UNC45A: variants seen among roughly 807,000 people sequenced by gnomAD.
UNC45A encodes the protein unc-45 myosin chaperone A.
Under a neutral mutation model 103.2 loss-of-function variants are expected in UNC45A, and 78 were observed. That is an observed-to-expected ratio of 0.76 (90% CI 0.63 to 0.91). The LOEUF is 0.91. Among genes scored for constraint, UNC45A ranks in the 40% least tolerant of loss-of-function variants. UNC45A has a pLI of 0.00. For missense variants in UNC45A, 1,193 were observed against 1,224.8 expected (o/e 0.97, Z 0.39); for synonymous variants, 495 against 504.6 (o/e 0.98, Z 0.25).
chr15:90,941,683 G>A (rs949638627), intron 6 of UNC45A, among the ~76,000 whole-genome samples: 15 of 151,976 alleles, frequency 9.9e-5, no homozygotes, highest in Admixed American at 5.2e-4. Context: ...GAGAGGGCCC[G>A]GCGCGGTGGC....
intron 3 of UNC45A, 140 bp from the exon 4 acceptor site, chr15:90,936,145 A>G: frequency 2.7e-6 from 4 of 1,494,770 alleles, no homozygotes; most frequent in Non-Finnish European, 3.6e-6. Context: ...AGCTACCCTC[A>G]CCTTTTCTGA....
Position 90,952,759 on chromosome 15 carries a change from C to T in UNC45A, c.2304-170C>T, listed in dbSNP as rs571512590. 58 of 626,148 alleles carry T rather than the reference C, an allele frequency of 9.3e-5. 1 individual carries two copies. Among genetic ancestry groups the T allele is most frequent in the Admixed American group, 6.6e-4 (24 of 36,204 alleles). The allele number at this position is 626,148 out of a possible 1,614,324, so 38.8% of individuals were successfully genotyped here. ...CGCACTTTTAAATAACCAGATCTCA[C>T]GAGAACTTACTATCACGAGGATAGC... is the stretch of plus-strand genomic sequence containing the variant. On this transcript the variant is annotated intron_variant, in intron 17 of 19. Coordinates refer to ENST00000418476, the MANE Select transcript of UNC45A (RefSeq NM_018671.5).
upstream of UNC45A, chr15:90,932,393 G>A (rs2035832580): frequency 8.0e-6 from 10 of 1,254,874 alleles, no homozygotes; most frequent in East Asian, 2.5e-4. Flanking sequence ...CACCACCCAG[G>A]TGCCGCAGCC....
At position 90,946,641 on chromosome 15, in the gene UNC45A, C is replaced by T. The variant is rs200344405; in HGVS notation, c.1227C>T (p.Ala409=). 8.6e-5 allele frequency: 139 copies of T among 1,609,562 alleles called. No individual in the cohort carries two copies. In the East Asian group the frequency reaches 1.0e-3, roughly 12 times the overall value. The change falls in exon 10 of 20, where the codon GCC becomes GCT. Residue 409 remains alanine (A), a synonymous_variant. Transcript: ENST00000418476. The part of the protein sequence containing the change: ...IKSWFEGQGL[A]GKLRAIQTVS... ...GCTGGTTTGAGGGCCAAGGGCTGGC[C>T]GGGAAGCTACGGGCCATCCAGACGG...
At chr15:90,940,739 C>T (rs891330568) in intron 6 of UNC45A, 18 of 226,568 alleles carry the variant, frequency 7.9e-5, no homozygotes, top group African/African-American at 3.7e-4. Context: ...AAGGCGAAAC[C>T]CTGTCTCTAC....
intron 11 of UNC45A, 59 bp downstream of exon 11, chr15:90,947,949 G>GA (rs1297517736): frequency 8.2e-5 from 125 of 1,520,696 alleles, no homozygotes; most frequent in Non-Finnish European, 1.1e-4. Context: ...AAGACACAGG[G>GA]GTCTGGGTGG....
At chr15:90,945,288 C>T (rs1052820462) in intron 9 of UNC45A, among the ~76,000 whole-genome samples, 6 of 152,310 alleles carry the variant, frequency 3.9e-5, no homozygotes, top group East Asian at 1.9e-4. Context: ...ATGCAACAAA[C>T]GCCATCAAGC....
At chr15:90,932,069 T>C (rs756539452), upstream of UNC45A, 21 of 1,611,774 alleles carry the variant, frequency 1.3e-5, no homozygotes, top group Non-Finnish European at 1.7e-5. Context: ...AACACCACAA[T>C]GTCAGTGATT....
upstream of UNC45A, chr15:90,931,840 ATC>A: frequency 6.2e-7 from 1 of 1,614,070 alleles, no homozygotes; most frequent in Non-Finnish European, 8.5e-7. Context: ...GAGTCTTGTC[ATC>A]TGTTACCTCC....
In UNC45A at chr15:90,946,651, C is replaced by A; in HGVS notation, c.1237C>A (p.Arg413=). 1 of 1,611,206 alleles carries A rather than the reference C, an allele frequency of 6.2e-7. No individual in the cohort carries two copies. Among genetic ancestry groups the A allele is most frequent in the Non-Finnish European group, 8.5e-7 (1 of 1,179,342 alleles). The change falls in exon 10 of 20, where the codon CGG becomes AGG. Residue 413 remains arginine (R), a synonymous_variant. Coordinates refer to ENST00000418476, the MANE Select transcript of UNC45A (RefSeq NM_018671.5). ...FEGQGLAGKL[R]AIQTVSCLLQ... is the part of the protein sequence containing the mutation. ...GGGCCAAGGGCTGGCCGGGAAGCTA[C>A]GGGCCATCCAGACGGTGTCCTGCCT...
chr15:90,953,142 C>T lies in UNC45A; in HGVS notation c.2422-13C>T, dbSNP rs2151377725. 1.2e-6 allele frequency: 2 copies of T among 1,613,108 alleles called. No homozygotes were observed. The highest frequency in any genetic ancestry group is 1.1e-5 in the South Asian group (1 of 90,998). On this transcript the variant is annotated splice_polypyrimidine_tract_variant and intron_variant, in intron 18 of 19. Coordinates refer to ENST00000418476, the MANE Select transcript of UNC45A (RefSeq NM_018671.5). ...CCCAACTGACTTGGTCCACTCCTCA[C>T]ATCTGGCCACAGGTGCAGGACCTCT...
At chr15:90,931,125 T>TTA (rs1596198964), upstream of UNC45A, 1 of 957,334 alleles carries the variant, frequency 1.0e-6, no homozygotes, top group East Asian at 2.7e-5. Flanking sequence ...GCAGGAGACC[T>TTA]TCAGACTGAG....
In UNC45A at chr15:90,944,895, T is replaced by G. The variant is rs778893920; in HGVS notation, c.1031T>G (p.Leu344Arg). 2 of 1,612,020 alleles carry G rather than the reference T, an allele frequency of 1.2e-6. No homozygotes were observed. The highest frequency in any genetic ancestry group is 2.2e-5 in the East Asian group (1 of 44,874). ...SLTLWVIDQG[L>R]KKILEVGGSL... Reference sequence around the variant, plus strand: ...TCTAAGCGGGGTGTCTTTACAGGTCTGAAAAAGATTTTGGAAGTGGGGGGC... The same window carrying G: ...TCTAAGCGGGGTGTCTTTACAGGTCGGAAAAAGATTTTGGAAGTGGGGGGC... The change falls in exon 9 of 20, where the codon CTG (leucine) becomes CGG (arginine). Residue 344 changes from leucine (L) to arginine (R), a missense_variant. By Grantham distance (102) the Leu-to-Arg change is moderately radical. Coordinates refer to ENST00000418476, the MANE Select transcript of UNC45A (RefSeq NM_018671.5).
rs1176932078 is a variant in UNC45A, at chr15:90,942,945, A to G, written c.890A>G (p.Asn297Ser). The G allele has an allele frequency of 2.5e-6, 4 of 1,612,702 alleles. No individual in the cohort carries two copies. Among genetic ancestry groups the G allele is most frequent in the Non-Finnish European group, 3.4e-6 (4 of 1,179,232 alleles). ...PARELKVLISNLLDLLTEVGV... is the reference protein window; with the variant it reads ...PARELKVLISSLLDLLTEVGV... ...CGGGAGCTGAAGGTCCTCATCAGTA[A>G]CCTCTTAGATCTGCTGACAGAGGTG... is the stretch of plus-strand genomic sequence containing the variant. The change falls in exon 8 of 20, where the codon AAC becomes AGC. Residue 297 changes from asparagine (N) to serine (S), a missense_variant. By Grantham distance (46) the Asn-to-Ser change is conservative. Coordinates refer to ENST00000418476, the MANE Select transcript of UNC45A (RefSeq NM_018671.5).
At chr15:90,935,251 C>G, upstream of UNC45A, 1 of 1,432,108 alleles carries the variant, frequency 7.0e-7, no homozygotes, top group Non-Finnish European at 9.6e-7. Flanking sequence ...GGGCAGCTGC[C>G]GGTGGCGTCC....
intron 15 of UNC45A, 26 bp from the exon 16 acceptor site, chr15:90,950,128 G>A (rs1255925770): frequency 1.3e-6 from 2 of 1,549,138 alleles, no homozygotes; most frequent in Non-Finnish European, 1.7e-6. Context: ...GGGATGTCCT[G>A]AGCAGTGACG....
At chr15:90,946,544 G>A in intron 9 of UNC45A, 70 bp from the exon 10 acceptor site, 2 of 1,474,498 alleles carry the variant, frequency 1.4e-6, no homozygotes, top group East Asian at 2.4e-5. Context: ...GGCCAGTGGA[G>A]GGGAAGGGAG....
At position 90,950,500 on chromosome 15, in the gene UNC45A, A is replaced by G; in HGVS notation, c.2188A>G (p.Ile730Val). 6.2e-7 allele frequency: 1 copy of G among 1,613,844 alleles called. No homozygotes were observed. The highest frequency in any genetic ancestry group is 8.5e-7 in the Non-Finnish European group (1 of 1,179,972). The change falls in exon 17 of 20, where the codon ATC becomes GTC. Residue 730 changes from isoleucine (I) to valine (V), a missense_variant and splice_region_variant. By Grantham distance (29) the Ile-to-Val change is conservative (BLOSUM62 3). Coordinates refer to ENST00000418476, the MANE Select transcript of UNC45A (RefSeq NM_018671.5). ...CTGACAGGTGGGGTGCACATTGCAG[A>G]TCTATGAGGTGGTCCGGCCCCTCGT... Reference protein sequence around the residue: ...NPEMTFPGERIYEVVRPLVSL... With the variant: ...NPEMTFPGERVYEVVRPLVSL...
At chr15:90,947,547 T>G in intron 10 of UNC45A, 1 of 531,406 alleles carries the variant, frequency 1.9e-6, no homozygotes, top group Non-Finnish European at 3.4e-6. Context: ...TGGGAAGGGG[T>G]GGGGCCCACG....
Sources: allele counts gnomAD v4.1 joint callset (sites outside exome capture counted in the v4.1 genomes callset), GRCh38; gene constraint gnomAD v4.1.1; transcripts MANE v1.5; gene names NCBI Gene and HGNC (gene_info 2026-07-23, HGNC 2026-07-21).